NRG3: variants seen among roughly 807,000 people sequenced by gnomAD.
NRG3 encodes neuregulin 3.
In NRG3, 31 loss-of-function variants were observed where a neutral mutation model predicts 66.9. The ratio of observed to expected loss-of-function variants is 0.46; its 90% CI spans 0.35 to 0.63. The LOEUF is 0.63. Ranked by LOEUF, NRG3 falls within the 20% of genes least tolerant of loss-of-function variation. The pLI, the probability that NRG3 is intolerant of heterozygous loss-of-function variation, is 0.00. For synonymous variants in NRG3, 393 were observed against 359.4 expected, an observed-to-expected ratio of 1.09 and a Z score of -1.06; for missense variants, 910 against 878.9, an observed-to-expected ratio of 1.04 and a Z score of -0.45.
At chr10:82,821,456 G>A (rs113378396) in intron 3 of NRG3, among the ~76,000 whole-genome samples, 2,680 of 150,628 alleles carry the variant, frequency 0.018, 34 homozygotes, top group Middle Eastern at 0.042. Flanking sequence ...GGAAGGCAAA[G>A]GACAGTTGCA....
At chr10:82,415,683 C>T (rs1305979807) in intron 2 of NRG3, among the ~76,000 whole-genome samples, 1 of 152,110 alleles carries the variant, frequency 6.6e-6, no homozygotes, top group East Asian at 1.9e-4. Context: ...AGTCACGCTA[C>T]TCCAGAGAAT....
intron 2 of NRG3, among the ~76,000 whole-genome samples, chr10:82,647,399 T>C (rs1298477585): frequency 6.6e-6 from 1 of 152,208 alleles, no homozygotes; most frequent in Non-Finnish European, 1.5e-5. Context: ...TAATCCAGTC[T>C]ATCATTGTTG....
intron 1 of NRG3, among the ~76,000 whole-genome samples, chr10:81,958,015 G>A (rs574208574): frequency 8.3e-4 from 126 of 152,186 alleles, no homozygotes; most frequent in Non-Finnish European, 1.0e-3. Context: ...GATTGGAGTA[G>A]TCAACTACTA....
intron 3 of NRG3, among the ~76,000 whole-genome samples, chr10:82,822,992 T>C (rs537212791): frequency 6.6e-6 from 1 of 152,342 alleles, no homozygotes; most frequent in East Asian, 1.9e-4. Flanking sequence ...GAATGCCTAG[T>C]ATACCTGTTG....
At chr10:82,738,094 G>A (rs1313900398) in intron 2 of NRG3, among the ~76,000 whole-genome samples, 1 of 149,704 alleles carries the variant, frequency 6.7e-6, no homozygotes, top group South Asian at 2.1e-4. Flanking sequence ...AAAAAAAGTA[G>A]GACTAACAGT....
chr10:82,034,809 C>T (rs2062724931), intron 1 of NRG3, among the ~76,000 whole-genome samples: 1 of 152,022 alleles, frequency 6.6e-6, no homozygotes, highest in Non-Finnish European at 1.5e-5. Flanking sequence ...ACTGTGGGCT[C>T]AGTGAGAGCA....
At chr10:82,597,940 A>G (rs2047385962) in intron 2 of NRG3, among the ~76,000 whole-genome samples, 1 of 151,482 alleles carries the variant, frequency 6.6e-6, no homozygotes, top group African/African-American at 2.4e-5. Flanking sequence ...AAAAAAGCTA[A>G]CTTGCTTTAA....
At chr10:82,244,926 G>A (rs952896043) in intron 1 of NRG3, among the ~76,000 whole-genome samples, 3 of 151,998 alleles carry the variant, frequency 2.0e-5, no homozygotes, top group African/African-American at 7.2e-5. Flanking sequence ...TAGAGACGGG[G>A]TTTCACCTTG....
intron 1 of NRG3, among the ~76,000 whole-genome samples, chr10:82,300,195 A>T (rs1394588717): frequency 6.6e-6 from 1 of 152,074 alleles, no homozygotes; most frequent in Non-Finnish European, 1.5e-5. Context: ...ATACCTGCTG[A>T]AATATTGATG....
intron 1 of NRG3, among the ~76,000 whole-genome samples, chr10:82,108,145 G>A (rs993441692): frequency 1.3e-5 from 2 of 152,190 alleles, no homozygotes; most frequent in African/African-American, 4.8e-5. Context: ...AAAGTAATCA[G>A]ATAAGTTTAT....
At chr10:82,785,338 A>G (rs551210906) in intron 3 of NRG3, among the ~76,000 whole-genome samples, 60 of 152,132 alleles carry the variant, frequency 3.9e-4, no homozygotes, top group African/African-American at 1.4e-3. Flanking sequence ...CGTGTACCCT[A>G]AAACTTAAAG....
rs184939969 is a variant in NRG3 at position 82,697,863 on chromosome 10, C to T, written c.954-40714C>T. ...CTGTAATTGGCCTGCGTTTCTGGGA[C>T]CCGTCAGTATCTGCCTTTTTGGATC... On this transcript the variant is annotated intron_variant, in intron 2 of 8. Coordinates refer to ENST00000372141, the MANE Select transcript of NRG3 (RefSeq NM_001010848.4). Among the ~76,000 whole-genome samples the T allele has an allele frequency of 1.5e-4, 23 of 152,150 alleles. No individual in the cohort carries two copies. In the East Asian group the frequency reaches 4.1e-3, roughly 27 times the overall value.
At chr10:82,969,152 G>T (rs1369715143) in intron 6 of NRG3, among the ~76,000 whole-genome samples, 1 of 152,176 alleles carries the variant, frequency 6.6e-6, no homozygotes, top group African/African-American at 2.4e-5. Flanking sequence ...GCTCTCTGCA[G>T]TTGCTGAACA....
chr10:82,892,234 G>A (rs763981409), intron 4 of NRG3, among the ~76,000 whole-genome samples: 28 of 151,978 alleles, frequency 1.8e-4, no homozygotes, highest in Admixed American at 4.6e-4. Context: ...GAGATGTTGA[G>A]TACTAGTAGA....
At chr10:82,502,250 T>C (rs1161981317) in intron 2 of NRG3, among the ~76,000 whole-genome samples, 2 of 152,270 alleles carry the variant, frequency 1.3e-5, no homozygotes, top group African/African-American at 4.8e-5. Context: ...CTGTTCCTCA[T>C]GTACTAACAC....
chr10:82,880,115 A>G (rs1842180027), intron 4 of NRG3, among the ~76,000 whole-genome samples: 1 of 152,094 alleles, frequency 6.6e-6, no homozygotes, highest in Non-Finnish European at 1.5e-5. Context: ...ACTATTATAT[A>G]AGTTATGGGC....
intron 2 of NRG3, among the ~76,000 whole-genome samples, chr10:82,470,758 A>G (rs999593966): frequency 6.6e-6 from 1 of 152,164 alleles, no homozygotes; most frequent in Non-Finnish European, 1.5e-5. Flanking sequence ...CAGCTCAGCA[A>G]TCCTTTTGCC....
At chr10:82,295,524 T>C (rs2134673644) in intron 1 of NRG3, among the ~76,000 whole-genome samples, 1 of 152,280 alleles carries the variant, frequency 6.6e-6, no homozygotes. Context: ...TATTAGAATC[T>C]GAGGGACTCT....
chr10:82,434,296 T>A (rs959047820), intron 2 of NRG3, among the ~76,000 whole-genome samples: 2 of 152,116 alleles, frequency 1.3e-5, no homozygotes, highest in Non-Finnish European at 2.9e-5. Flanking sequence ...GCACATTGAT[T>A]TTGTATCCTG....
Sources: gnomAD v4.1 joint callset for allele counts (sites outside exome capture counted in the v4.1 genomes callset) on GRCh38, gnomAD v4.1.1 for gene constraint, MANE v1.5 for transcripts, NCBI Gene and HGNC (gene_info 2026-07-23, HGNC 2026-07-21) for gene names.